Variants in AKAP9 observed in about 807,000 individuals in gnomAD.
AKAP9 encodes the protein A-kinase anchor protein 9.
In AKAP9, 311 loss-of-function variants were observed where a neutral mutation model predicts 488.5. The observed-to-expected ratio is 0.64, with a 90% CI of 0.58 to 0.70. The LOEUF (loss-of-function observed/expected upper bound fraction) is 0.70, where lower values mean the gene tolerates loss of function less well. AKAP9 is among the 30% of genes least tolerant of loss of function. AKAP9 has a pLI of 0.00. For missense variants in AKAP9, 4,215 were observed against 4,374.5 expected, an observed-to-expected ratio of 0.96 and a Z score of 1.03; for synonymous variants, 1,462 against 1,483.5, an observed-to-expected ratio of 0.99 and a Z score of 0.33.
chr7:92,048,808 G>A (rs1311785227), intron 21 of AKAP9, among the ~76,000 whole-genome samples: 1 of 152,176 alleles, frequency 6.6e-6, no homozygotes, highest in African/African-American at 2.4e-5. Context: ...TCGTGAGGCT[G>A]AAGCAAGAGA....
At chr7:91,999,343 A>T (rs1798837803) in intron 7 of AKAP9, among the ~76,000 whole-genome samples, 2 of 152,322 alleles carry the variant, frequency 1.3e-5, no homozygotes, top group African/African-American at 4.8e-5. Context: ...CTCCTGCCTC[A>T]GCCTCCTGAG....
intron 16 of AKAP9, 141 bp downstream of exon 16, chr7:92,031,745 A>T: frequency 1.5e-6 from 1 of 671,812 alleles, no homozygotes; most frequent in Non-Finnish European, 2.5e-6. Flanking sequence ...AATATCAATT[A>T]TAGTTGCCTT....
In AKAP9 at chr7:92,002,368, G is replaced by A; in HGVS notation, c.2451G>A (p.Val817=). ...TTAAGTCCAAATCCAAAGACTCTGT[G>A]TGGGAAAAAGAAATAGAAATACTTA... The part of the protein sequence containing the change: ...DSIKSKSKDS[V]WEKEIEILIE... Residue 817 remains valine (V), a synonymous_variant, in exon 8 of 50, where the codon GTG becomes GTA. Transcript: ENST00000356239. 1 of 1,611,940 alleles carries A rather than the reference G, an allele frequency of 6.2e-7. No homozygotes were observed. The highest frequency in any genetic ancestry group is 8.5e-7 in the Non-Finnish European group (1 of 1,179,144).
intron 2 of AKAP9, among the ~76,000 whole-genome samples, chr7:91,977,225 A>G (rs1795810036): frequency 6.6e-6 from 1 of 151,142 alleles, no homozygotes; most frequent in Non-Finnish European, 1.5e-5. Context: ...ACACCAGTGC[A>G]CTCCAGCCTG....
chr7:92,034,324 C>T (rs1207230132), intron 16 of AKAP9, among the ~76,000 whole-genome samples: 1 of 151,908 alleles, frequency 6.6e-6, no homozygotes, highest in African/African-American at 2.4e-5. Flanking sequence ...AATCCTGCAA[C>T]TCCCATATTC....
rs1269201913 is a variant in AKAP9 at position 92,089,475 on chromosome 7, A to G, written c.9304A>G (p.Asn3102Asp). Residue 3102 changes from asparagine (N) to aspartate (D), a missense_variant, in exon 38 of 50, where the codon AAT becomes GAT. Asn to Asp is a conservative substitution (Grantham distance 23, BLOSUM62 1). Transcript: ENST00000356239. Reference sequence around the variant, plus strand: ...AATTCAGGCACTGCATGCACAAATGAATGGTAGGAAAATTACTCTGAAAAG... The same window carrying G: ...AATTCAGGCACTGCATGCACAAATGGATGGTAGGAAAATTACTCTGAAAAG... ...SEIQALHAQM[N>D]GRKITLKREQ... 6.2e-7 allele frequency: 1 copy of G among 1,613,294 alleles called. No homozygotes were observed. Among genetic ancestry groups the G allele is most frequent in the Non-Finnish European group, 8.5e-7 (1 of 1,179,752 alleles).
At chr7:91,976,888 C>A (rs974287970) in intron 2 of AKAP9, among the ~76,000 whole-genome samples, 1 of 151,994 alleles carries the variant, frequency 6.6e-6, no homozygotes, top group East Asian at 1.9e-4. Flanking sequence ...GTTGTTCTTA[C>A]AATTTAAATT....
Position 92,098,097 on chromosome 7 carries a change from T to A in AKAP9, c.10608-12T>A, listed in dbSNP as rs1816921956. ...AGAAGGTATGTTTTGACTTTTTGTC[T>A]TTTTCTTGAAGACTACAGTTTGAAA... On this transcript the variant is annotated splice_polypyrimidine_tract_variant and intron_variant, in intron 42 of 49. Transcript: ENST00000356239. 6.3e-7 allele frequency: 1 copy of A among 1,578,040 alleles called. No individual in the cohort carries two copies. Among genetic ancestry groups the A allele is most frequent in the Admixed American group, 1.7e-5 (1 of 59,880 alleles).
At chr7:92,016,015 A>G (rs1204686834) in intron 10 of AKAP9, 114 bp from the exon 11 acceptor site, 1 of 785,828 alleles carries the variant, frequency 1.3e-6, no homozygotes, top group African/African-American at 1.7e-5. Context: ...ATGTTTTCTT[A>G]ATTATTTTTG....
Position 91,941,019 on chromosome 7 carries a change from A to T in AKAP9, c.-81A>T, listed in dbSNP as rs987432196. 7.0e-7 allele frequency: 1 copy of T among 1,424,054 alleles called. No individual in the cohort carries two copies. The highest frequency in any genetic ancestry group is 9.9e-7 in the Non-Finnish European group (1 of 1,007,054). 88.2% of individuals were successfully genotyped at this position (1,424,054 alleles called of 1,614,324 possible). A position where few individuals can be genotyped will look rare whatever the true frequency, so the allele number is the denominator to read the frequency against. ...TCTAGGCCGTGGAGCTTGCCGTCCC[A>T]CCTCCGTCCAAATCGACCTTTCCTT... On this transcript the variant is annotated 5_prime_UTR_variant, in exon 1 of 50. Transcript: ENST00000356239.
chr7:91,953,316 T>A (rs913697664), intron 1 of AKAP9, among the ~76,000 whole-genome samples: 47 of 152,214 alleles, frequency 3.1e-4, no homozygotes, highest in Admixed American at 9.8e-4. Context: ...GTACATTTTT[T>A]AATTAGAAGT....
chr7:92,106,526 A>G (rs1195967626), intron 47 of AKAP9, among the ~76,000 whole-genome samples: 1 of 152,238 alleles, frequency 6.6e-6, no homozygotes, highest in Non-Finnish European at 1.5e-5. Context: ...GCTGTTAGTC[A>G]TATGGAAGAA....
Position 92,070,401 on chromosome 7 carries a change from GTTGTTTTGTTTTGTTTTGTT to G in AKAP9, c.6507+223_6507+242del, listed in dbSNP as rs71528034. On this transcript the variant is annotated intron_variant, in intron 27 of 49. Coordinates refer to ENST00000356239, the MANE Select transcript of AKAP9 (RefSeq NM_005751.5). ...AAGGGAAGAGTTTTTTGTTGTTGTT[GTTGTTTTGTTTTGTTTTGTT>G]TTGTTTTGTTTTGTTTTGTTTTGTT... Among the ~76,000 whole-genome samples the G allele has an allele frequency of 4.1e-3, 594 of 145,542 alleles. 5 individuals carry two copies. Among genetic ancestry groups the G allele is most frequent in the African/African-American group, 0.014 (532 of 37,608 alleles).
intron 7 of AKAP9, among the ~76,000 whole-genome samples, chr7:91,997,223 G>A (rs1233519287): frequency 2.6e-5 from 4 of 152,198 alleles, no homozygotes; most frequent in African/African-American, 7.2e-5. Flanking sequence ...GGCTTAAAAT[G>A]TGCCCTTTTC....
chr7:92,045,124 C>G lies in AKAP9; in HGVS notation c.5279C>G (p.Ser1760Cys). The change falls in exon 21 of 50, where the codon TCT (serine) becomes TGT (cysteine). Residue 1760 changes from serine (S) to cysteine (C), a missense_variant. By Grantham distance (112) the Ser-to-Cys change is moderately radical (BLOSUM62 -1). This residue lies in a region of AKAP9 where 2,361 missense variants were observed against 2,430.0 expected (regional missense o/e 0.97). Transcript: ENST00000356239. Reference protein sequence around the residue: ...GRHVLGILDRSSKSQSSASLI... With the variant: ...GRHVLGILDRCSKSQSSASLI... Reference sequence around the variant, plus strand: ...CATGTCCTTGGGATTCTAGATAGATCTAGTAAAAGCCAGTCATCTGCCAGC... The same window carrying G: ...CATGTCCTTGGGATTCTAGATAGATGTAGTAAAAGCCAGTCATCTGCCAGC... The G allele has an allele frequency of 5.0e-6, 8 of 1,613,498 alleles. No individual in the cohort carries two copies. The highest frequency in any genetic ancestry group is 6.8e-6 in the Non-Finnish European group (8 of 1,179,874).
chr7:92,100,366 AG>A (rs956501014), intron 44 of AKAP9, among the ~76,000 whole-genome samples: 2 of 152,248 alleles, frequency 1.3e-5, no homozygotes, highest in African/African-American at 4.8e-5. Context: ...ATTTAAAAAC[AG>A]GTATAAAATT....
intron 15 of AKAP9, among the ~76,000 whole-genome samples, chr7:92,030,324 G>C (rs1804004575): frequency 6.6e-6 from 1 of 152,160 alleles, no homozygotes. Context: ...CCCAGCATGG[G>C]AAGTTGGACA....
chr7:92,034,248 G>C (rs1449615557), intron 16 of AKAP9, among the ~76,000 whole-genome samples: 1 of 152,112 alleles, frequency 6.6e-6, no homozygotes, highest in Non-Finnish European at 1.5e-5. Flanking sequence ...CAGGAGACTT[G>C]ACTAGAGTTT....
In AKAP9 at chr7:92,061,440, G is replaced by A; in HGVS notation, c.5764+18G>A. The A allele has an allele frequency of 6.2e-6, 10 of 1,612,196 alleles. No individual in the cohort carries two copies. Among genetic ancestry groups the A allele is most frequent in the Non-Finnish European group, 8.5e-6 (10 of 1,179,128 alleles). The stretch of plus-strand genomic sequence containing the variant: ...GGCTGAGGGTGAGCAATTTGCCATT[G>A]ACAACTAAGGGTAGAGAAATTTCAG... On this transcript the variant is annotated intron_variant, in intron 23 of 49. Coordinates refer to ENST00000356239, the MANE Select transcript of AKAP9 (RefSeq NM_005751.5).
Sources: gnomAD v4.1 joint callset for allele counts (sites outside exome capture counted in the v4.1 genomes callset) on GRCh38, gnomAD v4.1.1 for gene constraint, gnomAD v4.1.1 regional missense constraint, MANE v1.5 for transcripts, NCBI Gene and HGNC (gene_info 2026-07-23, HGNC 2026-07-21) for gene names.